The following MBD5 variants were observed in gnomAD, a reference collection of about 807,000 sequenced individuals.
MBD5 encodes the protein methyl-CpG-binding domain protein 5.
In MBD5, 13 loss-of-function variants were observed where a neutral mutation model predicts 117.3. The ratio of observed to expected loss-of-function variants is 0.11; its 90% CI spans 0.07 to 0.18. MBD5 has a LOEUF of 0.18. MBD5 is among the 10% of genes least tolerant of loss of function. MBD5 has a pLI of 1.00. For synonymous variants in MBD5, 727 were observed against 766.4 expected (o/e 0.95, Z 0.85); for missense variants, 1,879 against 2,093.8 (o/e 0.90, Z 2.00).
intron 2 of MBD5, among the ~76,000 whole-genome samples, chr2:148,200,668 G>C (rs1699112962): frequency 6.6e-6 from 1 of 150,958 alleles, no homozygotes; most frequent in Non-Finnish European, 1.5e-5. Context: ...GCTCCAGCCT[G>C]GGTGACAGAG....
At chr2:148,241,750 T>G (rs1220638782) in intron 3 of MBD5, among the ~76,000 whole-genome samples, 3 of 152,186 alleles carry the variant, frequency 2.0e-5, no homozygotes, top group Non-Finnish European at 4.4e-5. Flanking sequence ...AACGTAGAAT[T>G]ATATGTTGCC....
At chr2:148,466,586 C>T (rs1307689579) in intron 7 of MBD5, among the ~76,000 whole-genome samples, 1 of 152,156 alleles carries the variant, frequency 6.6e-6, no homozygotes, top group East Asian at 1.9e-4. Context: ...AATGTTCTCA[C>T]TATTTGCCAA....
intron 4 of MBD5, among the ~76,000 whole-genome samples, chr2:148,362,332 A>G (rs1463890489): frequency 6.6e-6 from 1 of 152,158 alleles, no homozygotes; most frequent in East Asian, 1.9e-4. Context: ...AGGCTTCAGT[A>G]GGCGATTTTC....
Position 148,021,504 on chromosome 2 carries a change from G to GCTGCTGCTA in MBD5, c.-1096_-1088dup, listed in dbSNP as rs1467306379. 1.0e-5 allele frequency: 6 copies of GCTGCTGCTA among 578,326 alleles called. No homozygotes were observed. The highest frequency in any genetic ancestry group is 5.7e-5 in the African/African-American group (3 of 53,078). The allele number at this position is 578,326 out of a possible 1,614,324, so 35.8% of individuals were successfully genotyped here. On this transcript the variant is annotated 5_prime_UTR_variant, in exon 1 of 14. Transcript: ENST00000642680. The stretch of plus-strand genomic sequence containing the variant: ...TGTTGCTGCTGCTGCTGCTACTGCT[G>GCTGCTGCTA]CTGCTGCTACTGCTGCTGCTTGGCC...
At chr2:148,236,447 G>A (rs1292747482) in intron 3 of MBD5, among the ~76,000 whole-genome samples, 3 of 152,186 alleles carry the variant, frequency 2.0e-5, no homozygotes, top group Non-Finnish European at 4.4e-5. Context: ...TGACAAGCAT[G>A]AGAACAGCAT....
At chr2:148,499,399 A>C (rs1681805145) in intron 11 of MBD5, among the ~76,000 whole-genome samples, 1 of 152,228 alleles carries the variant, frequency 6.6e-6, no homozygotes, top group Admixed American at 6.5e-5. Flanking sequence ...CTTAAATGAC[A>C]TGAGTAAAGA....
At chr2:148,269,287 A>G (rs183158497) in intron 3 of MBD5, among the ~76,000 whole-genome samples, 155 of 151,440 alleles carry the variant, frequency 1.0e-3, no homozygotes, top group African/African-American at 1.7e-3. Context: ...CTTGAATTCA[A>G]TGCTTGGTTT....
chr2:148,278,874 C>G (rs1443219639), intron 3 of MBD5, among the ~76,000 whole-genome samples: 1 of 152,174 alleles, frequency 6.6e-6, no homozygotes, highest in Non-Finnish European at 1.5e-5. Context: ...CCCAGTAGGC[C>G]ACTGGTGTCA....
intron 2 of MBD5, among the ~76,000 whole-genome samples, chr2:148,196,434 A>T (rs915499233): frequency 1.3e-5 from 2 of 152,164 alleles, no homozygotes; most frequent in African/African-American, 2.4e-5. Flanking sequence ...TATATGAGGG[A>T]AGCATTCTGA....
rs565813862 is a variant in MBD5, at chr2:148,175,702, G to T, written c.-924-2998G>T. ...GTAGACTGCTGGAGTTTGAAATCCAGTTCTTCCAGTTATTAGCTATGGAAC... is the reference window on the plus strand; with the variant it reads ...GTAGACTGCTGGAGTTTGAAATCCATTTCTTCCAGTTATTAGCTATGGAAC... On this transcript the variant is annotated intron_variant, in intron 1 of 13. Coordinates refer to ENST00000642680, the MANE Select transcript of MBD5 (RefSeq NM_001378120.1). Among the ~76,000 whole-genome samples, 7 of 152,292 alleles carry T rather than the reference G, an allele frequency of 4.6e-5. No homozygotes were observed. In the East Asian group the frequency reaches 7.7e-4, roughly 17 times the overall value.
chr2:148,197,803 T>TG (rs770390947), intron 2 of MBD5, among the ~76,000 whole-genome samples: 3 of 130,854 alleles, frequency 2.3e-5, no homozygotes, highest in African/African-American at 5.6e-5. Context: ...GGTTTTTTTT[T>TG]TTGTTTTTTT....
At chr2:148,151,206 G>A (rs143763416) in intron 1 of MBD5, among the ~76,000 whole-genome samples, 3,953 of 151,928 alleles carry the variant, frequency 0.026, 99 homozygotes, top group African/African-American at 0.067. Flanking sequence ...TAATCATGTG[G>A]TTTTTGTCTT....
At chr2:148,148,318 A>G (rs568839831) in intron 1 of MBD5, among the ~76,000 whole-genome samples, 1 of 152,334 alleles carries the variant, frequency 6.6e-6, no homozygotes, top group African/African-American at 2.4e-5. Flanking sequence ...CTCAGCTGCT[A>G]GTTTACACAG....
At chr2:148,181,492 C>T (rs1458232283) in intron 2 of MBD5, among the ~76,000 whole-genome samples, 1 of 152,214 alleles carries the variant, frequency 6.6e-6, no homozygotes, top group Non-Finnish European at 1.5e-5. Flanking sequence ...ATAACCTTCT[C>T]ATCATCCATG....
chr2:148,196,515 C>G (rs1184151287), intron 2 of MBD5, among the ~76,000 whole-genome samples: 1 of 152,152 alleles, frequency 6.6e-6, no homozygotes, highest in East Asian at 1.9e-4. Context: ...CTTAGGTAAG[C>G]TTTGTTACTC....
chr2:148,094,911 A>G (rs1344566959), intron 1 of MBD5, among the ~76,000 whole-genome samples: 1 of 152,168 alleles, frequency 6.6e-6, no homozygotes, highest in Non-Finnish European at 1.5e-5. Context: ...TTGCTGCACA[A>G]CAGGATTTAA....
chr2:148,457,497 C>T (rs1239558649), intron 4 of MBD5, among the ~76,000 whole-genome samples: 1 of 152,046 alleles, frequency 6.6e-6, no homozygotes, highest in Non-Finnish European at 1.5e-5. Flanking sequence ...ATCAAGATAA[C>T]TTTTATAAGC....
chr2:148,494,837 C>G (rs987985206), intron 11 of MBD5, among the ~76,000 whole-genome samples: 2 of 152,070 alleles, frequency 1.3e-5, no homozygotes, highest in Admixed American at 1.3e-4. Context: ...GTGGCGGGTG[C>G]CTGTAGTCCC....
intron 4 of MBD5, among the ~76,000 whole-genome samples, chr2:148,456,806 C>T (rs1174721917): frequency 1.3e-5 from 2 of 152,142 alleles, no homozygotes; most frequent in Non-Finnish European, 2.9e-5. Flanking sequence ...CCACAGTTCC[C>T]TGTTTTCAGT....
Sources: gnomAD v4.1 joint callset for allele counts (sites outside exome capture counted in the v4.1 genomes callset) on GRCh38, gnomAD v4.1.1 for gene constraint, MANE v1.5 for transcripts, NCBI Gene and HGNC (gene_info 2026-07-23, HGNC 2026-07-21) for gene names.